The following TMEM87B variants were observed in gnomAD, a reference collection of about 807,000 sequenced individuals.
The protein encoded by TMEM87B is transmembrane protein 87B.
Under a neutral mutation model 80.3 loss-of-function variants are expected in TMEM87B, and 83 were observed. The ratio of observed to expected loss-of-function variants is 1.03; its 90% confidence interval spans 0.87 to 1.24. The LOEUF (loss-of-function observed/expected upper bound fraction) is 1.24. TMEM87B is among the 50% of genes most tolerant of loss of function. The pLI, the probability that TMEM87B is intolerant of heterozygous loss-of-function variation, is 0.00. For missense variants in TMEM87B, 625 were observed against 674.4 expected, an observed-to-expected ratio of 0.93 and a Z score of 0.81; for synonymous variants, 219 against 230.5, an observed-to-expected ratio of 0.95 and a Z score of 0.45.
chr2:112,112,291 T>C (rs1679942521), intron 17 of TMEM87B, among the ~76,000 whole-genome samples: 1 of 152,218 alleles, frequency 6.6e-6, no homozygotes. Context: ...GAGCAAAAGT[T>C]CTGTTATATA....
intron 1 of TMEM87B, among the ~76,000 whole-genome samples, chr2:112,057,575 C>T (rs192164179): frequency 6.6e-6 from 1 of 151,828 alleles, no homozygotes; most frequent in Non-Finnish European, 1.5e-5. Context: ...TACACCTGGC[C>T]AAGAAATGGT....
chr2:112,096,114 A>G (rs1263842980), intron 11 of TMEM87B, among the ~76,000 whole-genome samples: 1 of 151,664 alleles, frequency 6.6e-6, no homozygotes, highest in Admixed American at 6.6e-5. Context: ...CCGCTTGTCT[A>G]CCTATGACAA....
chr2:112,106,959 A>G (rs1679785605), intron 16 of TMEM87B, among the ~76,000 whole-genome samples: 1 of 152,238 alleles, frequency 6.6e-6, no homozygotes, highest in African/African-American at 2.4e-5. Context: ...TAAGATAGAC[A>G]GACATAGACA....
intron 4 of TMEM87B, among the ~76,000 whole-genome samples, chr2:112,071,606 C>T (rs1369820505): frequency 6.6e-6 from 1 of 152,072 alleles, no homozygotes; most frequent in Admixed American, 6.6e-5. Context: ...CACGCCCAGC[C>T]GCTAGTGATC....
intron 14 of TMEM87B, among the ~76,000 whole-genome samples, chr2:112,099,470 T>C (rs1405693271): frequency 6.7e-6 from 1 of 150,216 alleles, no homozygotes; most frequent in Non-Finnish European, 1.5e-5. Flanking sequence ...GCATAAAGGC[T>C]ACTCAACCTG....
At chr2:112,087,730 C>A (rs1679188787) in intron 9 of TMEM87B, among the ~76,000 whole-genome samples, 1 of 152,164 alleles carries the variant, frequency 6.6e-6, no homozygotes. Flanking sequence ...ATGGCCCTCT[C>A]CTCCACTTCT....
chr2:112,100,085 G>T (rs1238458059), intron 14 of TMEM87B, among the ~76,000 whole-genome samples: 1 of 152,052 alleles, frequency 6.6e-6, no homozygotes, highest in African/African-American at 2.4e-5. Flanking sequence ...AATGCTGTTG[G>T]ACATCATCTT....
chr2:112,075,124 G>T (rs1678769390), intron 5 of TMEM87B, among the ~76,000 whole-genome samples, 162 bp downstream of exon 5: 1 of 152,222 alleles, frequency 6.6e-6, no homozygotes, highest in South Asian at 2.1e-4. Flanking sequence ...TTCAGGCCAG[G>T]TGCAGTGGCT....
intron 4 of TMEM87B, among the ~76,000 whole-genome samples, chr2:112,071,525 T>C (rs1678636407): frequency 1.3e-5 from 2 of 151,994 alleles, no homozygotes; most frequent in African/African-American, 4.8e-5. Context: ...CAGGCTGCTC[T>C]CAAACTCCTG....
chr2:112,100,481 G>C, intron 14 of TMEM87B, 141 bp from the exon 15 acceptor site: 1 of 544,582 alleles, frequency 1.8e-6, no homozygotes, highest in Non-Finnish European at 3.2e-6. Context: ...TAATTTGAAA[G>C]TAAAATAATT....
intron 8 of TMEM87B, 112 bp downstream of exon 8, chr2:112,081,630 A>G: frequency 1.1e-6 from 1 of 931,956 alleles, no homozygotes; most frequent in African/African-American, 1.7e-5. Flanking sequence ...CAGATATATT[A>G]TAGATGAAGA....
chr2:112,097,112 A>C lies in TMEM87B; in HGVS notation c.1173A>C (p.Leu391Phe), dbSNP rs748168448. 1 of 1,609,600 alleles carries C rather than the reference A, an allele frequency of 6.2e-7. No homozygotes were observed. The change falls in exon 12 of 19, where the codon TTA becomes TTC. Residue 391 changes from leucine (L) to phenylalanine (F), a missense_variant. Transcript: ENST00000283206. The stretch of plus-strand genomic sequence containing the variant: ...GAAAGAACACTGTGAAATTTTCATT[A>C]TATAGACATTTTAAAAATACTCTGA... ...RLRKNTVKFS[L>F]YRHFKNTLIF...
intron 1 of TMEM87B, among the ~76,000 whole-genome samples, chr2:112,057,449 T>A (rs1047887609): frequency 1.3e-5 from 2 of 152,182 alleles, no homozygotes; most frequent in Admixed American, 1.3e-4. Flanking sequence ...AATTTTTAAA[T>A]TTTTTTGTAG....
intron 10 of TMEM87B, among the ~76,000 whole-genome samples, chr2:112,090,461 G>A (rs918668261): frequency 1.8e-4 from 27 of 151,816 alleles, no homozygotes; most frequent in Non-Finnish European, 3.4e-4. Context: ...CCTAGGCTGG[G>A]GTGCAGTGGT....
intron 15 of TMEM87B, among the ~76,000 whole-genome samples, chr2:112,104,073 C>T (rs1414711893): frequency 6.6e-6 from 1 of 152,158 alleles, no homozygotes; most frequent in Non-Finnish European, 1.5e-5. Flanking sequence ...TTTTGTTGCA[C>T]ATCTCACAAT....
chr2:112,085,950 T>C (rs1280984524), intron 8 of TMEM87B, 55 bp from the exon 9 acceptor site: 5 of 1,452,902 alleles, frequency 3.4e-6, no homozygotes, highest in Non-Finnish European at 4.8e-6. Flanking sequence ...AGAATCTTGG[T>C]TGGCAGGCTT....
intron 11 of TMEM87B, among the ~76,000 whole-genome samples, chr2:112,095,996 A>T (rs1679456282): frequency 6.6e-6 from 1 of 152,080 alleles, no homozygotes; most frequent in African/African-American, 2.4e-5. Context: ...GAAAACAGCC[A>T]AGATTAAGAC....
rs548457028 is a variant in TMEM87B at position 112,058,404 on chromosome 2, A to T, written c.166-1573A>T. Among the ~76,000 whole-genome samples the T allele has an allele frequency of 2.7e-4, 41 of 152,300 alleles. No individual in the cohort carries two copies. The South Asian group carries it at 2.9e-3, about 11-fold the overall frequency. On this transcript the variant is annotated intron_variant, in intron 1 of 18. Transcript: ENST00000283206. The stretch of plus-strand genomic sequence containing the variant: ...GAGGGGGTAGTGAGGAATGTTGTGG[A>T]CTACAGATTGCATGCCCATTCTGAA...
intron 1 of TMEM87B, among the ~76,000 whole-genome samples, chr2:112,056,075 A>G (rs918143873): frequency 2.6e-5 from 4 of 152,140 alleles, no homozygotes; most frequent in Non-Finnish European, 5.9e-5. Flanking sequence ...TGGCTGGATC[A>G]GGAATCTCTC....
Sources: allele counts gnomAD v4.1 joint callset (sites outside exome capture counted in the v4.1 genomes callset), GRCh38; gene constraint gnomAD v4.1.1; transcripts MANE v1.5; gene names NCBI Gene and HGNC (gene_info 2026-07-23, HGNC 2026-07-21).